The following CACNG4 variants were observed in gnomAD, a reference collection of about 807,000 sequenced individuals.
CACNG4 encodes voltage-dependent calcium channel gamma-4 subunit.
In CACNG4, 8 loss-of-function variants were observed where a neutral mutation model predicts 22.9. The observed-to-expected ratio is 0.35, with a 90% CI of 0.21 to 0.63. CACNG4 has a LOEUF of 0.63. Among genes scored for constraint, CACNG4 ranks in the 30% least tolerant of loss-of-function variants. CACNG4 has a pLI of 0.72. For missense variants in CACNG4, 357 were observed against 455.4 expected, an observed-to-expected ratio of 0.78 and a Z score of 1.97; for synonymous variants, 188 against 191.9, an observed-to-expected ratio of 0.98 and a Z score of 0.17.
At chr17:66,998,032 G>T (rs529490735) in intron 1 of CACNG4, among the ~76,000 whole-genome samples, 2 of 152,304 alleles carry the variant, frequency 1.3e-5, no homozygotes, top group South Asian at 4.1e-4. Flanking sequence ...GGGACCACAT[G>T]TGAGAAGAAC....
chr17:67,024,186 C>G (rs1184835472), intron 2 of CACNG4, among the ~76,000 whole-genome samples: 2 of 152,196 alleles, frequency 1.3e-5, no homozygotes, highest in Non-Finnish European at 2.9e-5. Context: ...GGTCCCACAT[C>G]CTTGTCTATC....
chr17:67,007,000 C>A lies in CACNG4; in HGVS notation c.221-11189C>A, dbSNP rs763075874. ...GACCAGCCTGGCCAATGTAGTAAAA[C>A]CCTGTCTCCACTAAAAATACAAAAA... On this transcript the variant is annotated intron_variant, in intron 1 of 3. Coordinates refer to ENST00000262138, the MANE Select transcript of CACNG4 (RefSeq NM_014405.4). Among the ~76,000 whole-genome samples the A allele has an allele frequency of 6.0e-4, 91 of 152,186 alleles. 1 individual carries two copies. The highest frequency in any genetic ancestry group is 1.1e-3 in the Non-Finnish European group (78 of 68,016).
intron 1 of CACNG4, among the ~76,000 whole-genome samples, chr17:66,969,078 T>C (rs2035188799): frequency 6.6e-6 from 1 of 152,142 alleles, no homozygotes; most frequent in South Asian, 2.1e-4. Flanking sequence ...CCAACATTTG[T>C]TCAATCTCAT....
intron 1 of CACNG4, among the ~76,000 whole-genome samples, chr17:66,989,592 T>C (rs1436494030): frequency 2.6e-5 from 4 of 151,780 alleles, no homozygotes; most frequent in South Asian, 4.1e-4. Flanking sequence ...TACATTGTCA[T>C]GGCAGCCCCA....
intron 1 of CACNG4, among the ~76,000 whole-genome samples, chr17:66,982,515 A>C (rs1286617055): frequency 6.6e-6 from 1 of 152,122 alleles, no homozygotes; most frequent in East Asian, 1.9e-4. Context: ...CGTGTTTTAC[A>C]ATCGTAGCTA....
intron 1 of CACNG4, among the ~76,000 whole-genome samples, chr17:67,016,051 C>G (rs1467001339): frequency 6.6e-6 from 1 of 152,100 alleles, no homozygotes; most frequent in Non-Finnish European, 1.5e-5. Context: ...TGGTTCTCCA[C>G]CAATTCAGCC....
intron 1 of CACNG4, among the ~76,000 whole-genome samples, chr17:66,998,677 G>A (rs1165687427): frequency 1.3e-5 from 2 of 152,180 alleles, no homozygotes; most frequent in Non-Finnish European, 2.9e-5. Flanking sequence ...AGCTCACCCA[G>A]GGCCAGACCC....
chr17:67,004,286 G>A (rs1398799699), intron 1 of CACNG4, among the ~76,000 whole-genome samples: 1 of 152,186 alleles, frequency 6.6e-6, no homozygotes, highest in Non-Finnish European at 1.5e-5. Context: ...GGTTGGTTGG[G>A]GAAATCTCTC....
intron 1 of CACNG4, among the ~76,000 whole-genome samples, chr17:67,002,010 A>T (rs1184227829): frequency 2.0e-5 from 3 of 152,072 alleles, no homozygotes; most frequent in South Asian, 4.1e-4. Context: ...AGTGATGGAG[A>T]ATTCTAACCT....
chr17:67,006,560 G>A (rs942330558), intron 1 of CACNG4, among the ~76,000 whole-genome samples: 3 of 152,112 alleles, frequency 2.0e-5, no homozygotes, highest in South Asian at 2.1e-4. Context: ...TACTTACTCT[G>A]TGTGAACCCC....
intron 1 of CACNG4, among the ~76,000 whole-genome samples, chr17:66,976,562 C>T (rs1174321486): frequency 1.3e-5 from 2 of 149,776 alleles, no homozygotes; most frequent in East Asian, 3.9e-4. Context: ...TCTTCCTGGT[C>T]CCTCCCTCCC....
chr17:66,994,750 C>G (rs1416872722), intron 1 of CACNG4, among the ~76,000 whole-genome samples: 2 of 152,178 alleles, frequency 1.3e-5, no homozygotes, highest in African/African-American at 4.8e-5. Flanking sequence ...ACTGATGTAA[C>G]AGCAACATCA....
At chr17:66,999,163 C>T (rs2035392117) in intron 1 of CACNG4, among the ~76,000 whole-genome samples, 1 of 152,138 alleles carries the variant, frequency 6.6e-6, no homozygotes, top group Non-Finnish European at 1.5e-5. Flanking sequence ...AATGGCAGCA[C>T]CTGCATGAGA....
Position 67,031,803 on chromosome 17 carries a change from C to G in CACNG4, c.*799C>G, listed in dbSNP as rs1481459676. The G allele has an allele frequency of 1.1e-5, 5 of 456,546 alleles. No individual in the cohort carries two copies. In the East Asian group the frequency reaches 3.5e-4, roughly 32 times the overall value. 28.3% of individuals were successfully genotyped at this position (456,546 alleles called of 1,614,324 possible). On this transcript the variant is annotated 3_prime_UTR_variant, in exon 4 of 4. Coordinates refer to ENST00000262138, the MANE Select transcript of CACNG4 (RefSeq NM_014405.4). This position sits in a 1 kb window ranked among gnomAD's most constrained non-coding sequence, Gnocchi z 4.0. ...AGGGTTCCATCGGTCAGGGGAATGG[C>G]GGCCACGTGACCTCTTGCCGTGCCC...
At chr17:66,975,461 G>C (rs544953239) in intron 1 of CACNG4, among the ~76,000 whole-genome samples, 15 of 152,314 alleles carry the variant, frequency 9.8e-5, no homozygotes, top group Middle Eastern at 3.4e-3. Context: ...TGTTCAGAGA[G>C]CAATTTTTCC....
rs1026988632 is a variant in CACNG4 at position 67,032,046 on chromosome 17, G to A, written c.*1042G>A. The A allele has an allele frequency of 7.2e-5, 32 of 445,718 alleles. No homozygotes were observed. The highest frequency in any genetic ancestry group is 1.5e-4 in the Admixed American group (6 of 40,316). 27.6% of individuals were successfully genotyped at this position (445,718 alleles called of 1,614,324 possible). On this transcript the variant is annotated 3_prime_UTR_variant, in exon 4 of 4. Transcript: ENST00000262138. ...AAATCATAACTTCCTGCAAATCAAC[G>A]CCAGGAGAGCAACTTACCTTCATTT...
Position 67,018,289 on chromosome 17 carries a change from C to A in CACNG4, c.304+17C>A. 6.3e-7 allele frequency: 1 copy of A among 1,599,322 alleles called. No homozygotes were observed. Among genetic ancestry groups the A allele is most frequent in the Non-Finnish European group, 8.6e-7 (1 of 1,166,428 alleles). ...ACCTCCTCCGTGAGTGTCAGGAGGCCTGGACTCTCTTTCTGTGGGGAGGCG... is the reference window on the plus strand; with the variant it reads ...ACCTCCTCCGTGAGTGTCAGGAGGCATGGACTCTCTTTCTGTGGGGAGGCG... On this transcript the variant is annotated intron_variant, in intron 2 of 3. Coordinates refer to ENST00000262138, the MANE Select transcript of CACNG4 (RefSeq NM_014405.4).
intron 1 of CACNG4, among the ~76,000 whole-genome samples, chr17:66,992,794 T>A (rs73997308): frequency 0.023 from 3,445 of 152,380 alleles, 117 homozygotes; most frequent in African/African-American, 0.078. Context: ...GGGCCCTTCC[T>A]GAGTGTCATT....
chr17:66,982,188 G>A (rs377119417), intron 1 of CACNG4, among the ~76,000 whole-genome samples: 5 of 152,212 alleles, frequency 3.3e-5, no homozygotes, highest in East Asian at 1.9e-4. Flanking sequence ...AGACCCAAGC[G>A]GATTGCCGCT....
Sources: gnomAD v4.1 joint callset for allele counts (sites outside exome capture counted in the v4.1 genomes callset) on GRCh38, gnomAD v4.1.1 for gene constraint, Gnocchi (gnomAD v3.1) non-coding constraint, MANE v1.5 for transcripts, NCBI Gene and HGNC (gene_info 2026-07-23, HGNC 2026-07-21) for gene names.